The following IL3RA variants were observed in gnomAD, a reference collection of about 807,000 sequenced individuals.
The protein encoded by IL3RA is interleukin-3 receptor subunit alpha.
A neutral mutation model predicts 52.3 loss-of-function variants in IL3RA; 73 were observed. The observed-to-expected ratio is 1.40, with a 90% CI of 1.16 to 1.70. The LOEUF is 1.70. IL3RA is among the 40% of genes most tolerant of loss of function. The probability of loss-of-function intolerance (pLI) is 0.00; values close to 1 mark genes in which losing one functional copy is unlikely to be tolerated. For missense variants in IL3RA, 664 were observed against 504.4 expected, an observed-to-expected ratio of 1.32 and a Z score of -3.03; for synonymous variants, 260 against 194.0, an observed-to-expected ratio of 1.34 and a Z score of -2.83.
chrX:1,348,369 A>G (rs767095360), intron 3 of IL3RA, 62 bp from the exon 4 acceptor site: 2 of 1,315,126 alleles, frequency 1.5e-6, no homozygotes, highest in South Asian at 1.2e-5. Flanking sequence ...AAATCTGAAC[A>G]TCATTAGCGT....
At chrX:1,344,297 G>A (rs1331668439) in intron 2 of IL3RA, among the ~76,000 whole-genome samples, 2 of 151,484 alleles carry the variant, frequency 1.3e-5, no homozygotes, top group Non-Finnish European at 2.9e-5. Context: ...AGCCGAGTGT[G>A]GTGGCAGGCA....
intron 8 of IL3RA, among the ~76,000 whole-genome samples, chrX:1,364,677 T>G (rs2087769118): frequency 6.6e-6 from 1 of 151,568 alleles, no homozygotes; most frequent in Non-Finnish European, 1.5e-5. Flanking sequence ...GGGGTCTTGC[T>G]ATGTTGCCCA....
At chrX:1,361,647 G>A (rs2087382506) in intron 8 of IL3RA, among the ~76,000 whole-genome samples, 1 of 151,784 alleles carries the variant, frequency 6.6e-6, no homozygotes, top group African/African-American at 2.4e-5. Flanking sequence ...CAGCTACTCG[G>A]GAGGCTGAAG....
At position 1,365,178 on chromosome X, in the gene IL3RA, C is replaced by A; in HGVS notation, c.800C>A (p.Thr267Lys). The change falls in exon 9 of 12, where the codon ACG becomes AAG. Residue 267 changes from threonine (T) to lysine (K), a missense_variant. Thr to Lys is a moderately conservative substitution (Grantham distance 78, BLOSUM62 -1). Transcript: ENST00000331035. ...TCCTTCCAGCTACTCAATCCTGGAACGTACACAGTACAAATAAGAGCCCGG... is the reference window on the plus strand; with the variant it reads ...TCCTTCCAGCTACTCAATCCTGGAAAGTACACAGTACAAATAAGAGCCCGG... ...RTSFQLLNPGTYTVQIRARER... is the reference protein window; with the variant it reads ...RTSFQLLNPGKYTVQIRARER... 1 of 1,611,182 alleles carries A rather than the reference C, an allele frequency of 6.2e-7. No individual in the cohort carries two copies.
At chrX:1,343,979 C>T (rs192413729) in intron 2 of IL3RA, among the ~76,000 whole-genome samples, 18 of 151,500 alleles carry the variant, frequency 1.2e-4, no homozygotes, top group South Asian at 2.1e-4. Context: ...TATTTTTAGT[C>T]GCGACGGGGT....
At chrX:1,359,437 TTCTCTG>T (rs1303720352) in intron 8 of IL3RA, among the ~76,000 whole-genome samples, 2 of 151,898 alleles carry the variant, frequency 1.3e-5, no homozygotes, top group African/African-American at 2.4e-5. Context: ...CCGTATCTCT[TTCTCTG>T]TCTCTGAATC....
At chrX:1,380,919 T>G in intron 10 of IL3RA, 104 bp from the exon 11 acceptor site, 3 of 943,854 alleles carry the variant, frequency 3.2e-6, no homozygotes, top group South Asian at 1.4e-5. Flanking sequence ...ATGACTTGAG[T>G]CTTTTGCTCT....
chrX:1,357,344 CTGTTTGTTTGTT>C (rs112765040), intron 7 of IL3RA, among the ~76,000 whole-genome samples: 12 of 151,442 alleles, frequency 7.9e-5, no homozygotes, highest in African/African-American at 2.4e-4. Flanking sequence ...GTCACCCAAG[CTGTTTGTTTGTT>C]TGTTTGTTTG....
intron 3 of IL3RA, among the ~76,000 whole-genome samples, chrX:1,347,849 T>G (rs2085824022): frequency 6.8e-6 from 1 of 147,090 alleles, no homozygotes; most frequent in Non-Finnish European, 1.5e-5. Flanking sequence ...CCCTCCTGGC[T>G]AACACGGTGA....
chrX:1,345,510 G>C, intron 3 of IL3RA, 76 bp downstream of exon 3: 1 of 1,058,578 alleles, frequency 9.4e-7, no homozygotes, highest in South Asian at 2.4e-5. Flanking sequence ...TATTTTTTGA[G>C]ACGGAGTCTT....
chrX:1,352,109 C>T lies in IL3RA; in HGVS notation c.308C>T (p.Pro103Leu), dbSNP rs761400359. Residue 103 changes from proline (P) to leucine (L), a missense_variant, in exon 5 of 12, where the codon CCT (proline) becomes CTT (leucine). Physicochemically the swap from Pro to Leu is moderately conservative, Grantham distance 98 (BLOSUM62 -3). Coordinates refer to ENST00000331035, the MANE Select transcript of IL3RA (RefSeq NM_002183.4). ...ATGTTTGTGAACCCAGGTGGGAAGC[C>T]TTGGGCAGGTGCGGAGAATCTGACC... ...WILFPENSGKPWAGAENLTCW... is the reference protein window; with the variant it reads ...WILFPENSGKLWAGAENLTCW... The T allele has an allele frequency of 5.0e-6, 8 of 1,613,664 alleles. No individual in the cohort carries two copies. In the African/African-American group the frequency reaches 9.3e-5, roughly 19 times the overall value.
intron 11 of IL3RA, among the ~76,000 whole-genome samples, chrX:1,381,821 C>A (rs758586379): frequency 4.0e-5 from 6 of 150,154 alleles, no homozygotes; most frequent in African/African-American, 1.5e-4. Context: ...GGATTACAGG[C>A]ATGAGCCACC....
intron 9 of IL3RA, 109 bp from the exon 10 acceptor site, chrX:1,378,550 C>G (rs1209650793): frequency 5.3e-6 from 5 of 939,524 alleles, no homozygotes; most frequent in Non-Finnish European, 8.3e-6. Context: ...TGGACGCCAC[C>G]CCATATGGCA....
intron 10 of IL3RA, 88 bp from the exon 11 acceptor site, chrX:1,380,935 G>A: frequency 1.8e-6 from 2 of 1,131,186 alleles, no homozygotes; most frequent in Non-Finnish European, 2.7e-6. Flanking sequence ...GCTCTGTCCT[G>A]GCACTGTCTG....
chrX:1,349,664 TTTTG>T (rs762091306), intron 4 of IL3RA, among the ~76,000 whole-genome samples: 96 of 151,554 alleles, frequency 6.3e-4, no homozygotes, highest in South Asian at 3.3e-3. Context: ...TTTTGTTTTG[TTTTG>T]TTTGTTTTTC....
At chrX:1,361,735 A>C (rs1468899876) in intron 8 of IL3RA, among the ~76,000 whole-genome samples, 1 of 143,060 alleles carries the variant, frequency 7.0e-6, no homozygotes, top group African/African-American at 2.7e-5. Context: ...CCTGGGTGAC[A>C]GAGTGAGACT....
intron 8 of IL3RA, among the ~76,000 whole-genome samples, chrX:1,362,172 CTTTG>C (rs1304907839): frequency 7.7e-4 from 115 of 149,970 alleles, no homozygotes; most frequent in Non-Finnish European, 1.5e-3. Flanking sequence ...TTCCCTCTCT[CTTTG>C]TATCTATGTC....
chrX:1,358,805 G>C, intron 7 of IL3RA, 56 bp from the exon 8 acceptor site: 1 of 1,604,044 alleles, frequency 6.2e-7, no homozygotes. Flanking sequence ...TTTGGGAGGA[G>C]GAGGCTTTCA....
chrX:1,378,162 G>A (rs1345262953), intron 9 of IL3RA, among the ~76,000 whole-genome samples: 21 of 134,532 alleles, frequency 1.6e-4, no homozygotes, highest in Non-Finnish European at 2.5e-4. Flanking sequence ...CAGCCTGGGC[G>A]ACAAAACGAG....
Sources: gnomAD v4.1 joint callset for allele counts (sites outside exome capture counted in the v4.1 genomes callset) on GRCh38, gnomAD v4.1.1 for gene constraint, MANE v1.5 for transcripts, NCBI Gene and HGNC (gene_info 2026-07-23, HGNC 2026-07-21) for gene names.